Variants in SPMAP2L observed in about 807,000 individuals in gnomAD.
SPMAP2L encodes the protein sperm microtubule associated protein 2 like, also known as sperm microtubule associated protein 2-like.
chr4:56,601,151 G>C, the SPMAP2L span: 1 of 1,496,414 alleles, frequency 6.7e-7, no homozygotes, highest in Non-Finnish European at 8.9e-7. Flanking sequence ...AAAGGCTGGG[G>C]TTCTGGGGAG....
the SPMAP2L span, among the ~76,000 whole-genome samples, chr4:56,588,602 TG>T: frequency 6.6e-6 from 1 of 152,106 alleles, no homozygotes; most frequent in Non-Finnish European, 1.5e-5. Context: ...AGGCTAATTT[TG>T]TATTTTTAGT....
At chr4:56,591,625 A>C in the SPMAP2L span, among the ~76,000 whole-genome samples, 1 of 152,248 alleles carries the variant, frequency 6.6e-6, no homozygotes, top group Non-Finnish European at 1.5e-5. Flanking sequence ...TAAACAGCAC[A>C]GGAAGGAATT....
the SPMAP2L span, among the ~76,000 whole-genome samples, chr4:56,570,797 ATTAT>A: frequency 2.6e-5 from 4 of 151,640 alleles, no homozygotes; most frequent in Non-Finnish European, 4.4e-5. Context: ...TAAAATTTTT[ATTAT>A]TTATTTATTT....
chr4:56,596,401 A>G, the SPMAP2L span: 14 of 1,266,374 alleles, frequency 1.1e-5, no homozygotes, highest in Non-Finnish European at 1.4e-5. Flanking sequence ...TGGAGTGTTG[A>G]GAAGTCTGGC....
chr4:56,550,803 T>G, the SPMAP2L span, among the ~76,000 whole-genome samples: 1 of 152,142 alleles, frequency 6.6e-6, no homozygotes, highest in Non-Finnish European at 1.5e-5. Context: ...AGTTCGTTTT[T>G]ATGCAAATGT....
At chr4:56,621,096 C>G in the SPMAP2L span, among the ~76,000 whole-genome samples, 3 of 152,176 alleles carry the variant, frequency 2.0e-5, no homozygotes, top group South Asian at 6.2e-4. Flanking sequence ...AACTATAAAT[C>G]AGAAAGTCCA....
the SPMAP2L span, among the ~76,000 whole-genome samples, chr4:56,571,203 A>G: frequency 6.6e-6 from 1 of 151,930 alleles, no homozygotes; most frequent in Non-Finnish European, 1.5e-5. Flanking sequence ...TTATACAGCT[A>G]TCCAAAAATA....
At chr4:56,573,836 G>A in the SPMAP2L span, among the ~76,000 whole-genome samples, 46 of 151,756 alleles carry the variant, frequency 3.0e-4, no homozygotes, top group African/African-American at 1.1e-3. Context: ...CTGGGTGGTC[G>A]CGAGCAAGGG....
the SPMAP2L span, among the ~76,000 whole-genome samples, chr4:56,599,895 A>T: frequency 6.6e-6 from 1 of 152,172 alleles, no homozygotes; most frequent in Non-Finnish European, 1.5e-5. Context: ...GCCAACAAAC[A>T]TATGAAAATA....
the SPMAP2L span, among the ~76,000 whole-genome samples, chr4:56,566,695 C>CTTTTTTTTTTTTTTTT: frequency 3.2e-5 from 3 of 92,444 alleles, no homozygotes; most frequent in African/African-American, 4.2e-5. Flanking sequence ...TTTTCTTTTT[C>CTTTTTTTTTTTTTTTT]TTTTTTTTTT....
At chr4:56,616,059 G>C in the SPMAP2L span, among the ~76,000 whole-genome samples, 59 of 152,302 alleles carry the variant, frequency 3.9e-4, no homozygotes, top group African/African-American at 1.4e-3. Flanking sequence ...GAGCTCCCAG[G>C]TGATGCTAGC....
the SPMAP2L span, among the ~76,000 whole-genome samples, chr4:56,565,306 T>C: frequency 7.5e-4 from 115 of 152,356 alleles, 2 homozygotes; most frequent in Middle Eastern, 3.4e-3. Context: ...CTATTTCTCC[T>C]TGCAATTCTA....
chr4:56,603,012 T>C, the SPMAP2L span, among the ~76,000 whole-genome samples: 1 of 152,232 alleles, frequency 6.6e-6, no homozygotes, highest in African/African-American at 2.4e-5. Context: ...GAGAGACATA[T>C]AAATCTGGAT....
At chr4:56,589,357 C>G in the SPMAP2L span, among the ~76,000 whole-genome samples, 1 of 152,166 alleles carries the variant, frequency 6.6e-6, no homozygotes, top group African/African-American at 2.4e-5. Flanking sequence ...AGTTTGAAAT[C>G]AGGTAGTGTG....
At chr4:56,575,445 C>T in the SPMAP2L span, 2 of 1,522,316 alleles carry the variant, frequency 1.3e-6, no homozygotes, top group Non-Finnish European at 1.8e-6. Flanking sequence ...TTGGAAAATA[C>T]TATGACAATT....
the SPMAP2L span, among the ~76,000 whole-genome samples, chr4:56,537,038 A>G: frequency 6.6e-6 from 1 of 152,158 alleles, no homozygotes; most frequent in African/African-American, 2.4e-5. Flanking sequence ...TGCTGGGATT[A>G]CAGGCATGAG....
the SPMAP2L span, among the ~76,000 whole-genome samples, chr4:56,605,909 G>C: frequency 2.6e-5 from 4 of 152,120 alleles, no homozygotes; most frequent in South Asian, 8.3e-4. Context: ...TGCTCTTCTT[G>C]TAACCATTTG....
chr4:56,574,301 C>A, the SPMAP2L span, among the ~76,000 whole-genome samples: 3 of 152,128 alleles, frequency 2.0e-5, no homozygotes, highest in Non-Finnish European at 4.4e-5. Context: ...AACTTGTAGT[C>A]CCCCCTACTC....
chr4:56,620,475 C>T, the SPMAP2L span, among the ~76,000 whole-genome samples: 1 of 151,978 alleles, frequency 6.6e-6, no homozygotes, highest in Non-Finnish European at 1.5e-5. Flanking sequence ...CAACCTCCGC[C>T]TCCTGGGTTC....
Sources: allele counts gnomAD v4.1 joint callset (sites outside exome capture counted in the v4.1 genomes callset), GRCh38; gene constraint gnomAD v4.1.1; transcripts MANE v1.5; gene names NCBI Gene and HGNC (gene_info 2026-07-23, HGNC 2026-07-21).